Variants in TENT5D observed in about 807,000 individuals in gnomAD.
TENT5D encodes cancer/testis antigen 112.
For synonymous variants in TENT5D, 103 were observed against 100.6 expected, an observed-to-expected ratio of 1.02 and a Z score of -0.15; for missense variants, 191 against 287.0, an observed-to-expected ratio of 0.67 and a Z score of 2.42.
chrX:80,409,605 A>T (rs1435313383), intron 3 of TENT5D, among the ~76,000 whole-genome samples: 1 of 111,419 alleles, frequency 9.0e-6, no homozygotes, highest in Non-Finnish European at 1.9e-5. Flanking sequence ...GAGGATACAA[A>T]CAAATGGAAG....
intron 3 of TENT5D, among the ~76,000 whole-genome samples, chrX:80,386,047 A>G (rs775545460): frequency 2.7e-5 from 3 of 112,289 alleles, no homozygotes; most frequent in African/African-American, 9.7e-5. Flanking sequence ...TAGAAATACC[A>G]TTTGACCCAA....
chrX:80,410,126 A>C (rs1602213333), intron 3 of TENT5D, among the ~76,000 whole-genome samples: 1 of 105,181 alleles, frequency 9.5e-6, no homozygotes, highest in East Asian at 3.1e-4. Context: ...GTTAGACCTA[A>C]AACCATAAAA....
At chrX:80,411,446 T>C (rs1181455167) in intron 3 of TENT5D, among the ~76,000 whole-genome samples, 1 of 111,895 alleles carries the variant, frequency 8.9e-6, no homozygotes, top group African/African-American at 3.2e-5. Flanking sequence ...TAACTAGTTG[T>C]TTTATTTTAG....
chrX:80,418,442 A>G (rs1291606136), upstream of TENT5D, among the ~76,000 whole-genome samples: 1 of 111,846 alleles, frequency 8.9e-6, no homozygotes, highest in Non-Finnish European at 1.9e-5. Context: ...AAGTATATGT[A>G]TCCAAAATGA....
intron 3 of TENT5D, among the ~76,000 whole-genome samples, chrX:80,401,082 T>A (rs1931382284): frequency 8.9e-6 from 1 of 112,066 alleles, no homozygotes; most frequent in Admixed American, 9.5e-5. Flanking sequence ...TGTGTCTTCT[T>A]CAGTCTCTTT....
At chrX:80,404,940 G>C (rs959417345) in intron 3 of TENT5D, among the ~76,000 whole-genome samples, 26 of 111,895 alleles carry the variant, frequency 2.3e-4, no homozygotes, top group African/African-American at 8.1e-4. Context: ...ACATAAATCT[G>C]TTAGGCCAGG....
rs752452431 is a variant in TENT5D, at chrX:80,392,038, A to G, written c.-141-46572A>G. On this transcript the variant is annotated intron_variant, in intron 3 of 4. Transcript: ENST00000538312. ...ATCATGCTTCTACCACTTAAAAGCA[A>G]TGTTACCTGGAAAGAATTACTTCAT... 2.0e-4 allele frequency among the ~76,000 whole-genome samples: 23 copies of G among 112,424 alleles called. No homozygotes were observed. The East Asian group carries it at 5.0e-3, about 24-fold the overall frequency.
At chrX:80,393,081 A>G in intron 3 of TENT5D, among the ~76,000 whole-genome samples, 1 of 109,824 alleles carries the variant, frequency 9.1e-6, no homozygotes. Context: ...AAATTTTTTT[A>G]TATTCTTTGT....
intron 3 of TENT5D, among the ~76,000 whole-genome samples, chrX:80,405,922 C>G (rs907931529): frequency 9.1e-6 from 1 of 110,024 alleles, no homozygotes; most frequent in African/African-American, 3.3e-5. Flanking sequence ...CAGACTGCCT[C>G]CTCAAGTGGG....
intron 3 of TENT5D, among the ~76,000 whole-genome samples, chrX:80,361,245 T>C (rs1930400694): frequency 8.9e-6 from 1 of 112,063 alleles, no homozygotes; most frequent in Non-Finnish European, 1.9e-5. Context: ...TATCAGTAGT[T>C]AAAAGTTTCA....
At chrX:80,335,881 A>G (rs1486405115) in intron 2 of TENT5D, among the ~76,000 whole-genome samples, 1 of 111,355 alleles carries the variant, frequency 9.0e-6, no homozygotes, top group African/African-American at 3.3e-5. Flanking sequence ...AGTTTATGTG[A>G]AATATGTATT....
chrX:80,411,571 C>A lies in TENT5D; in HGVS notation c.-141-27039C>A, dbSNP rs755905147. ...ACTTACTTTACATTGTTCTTATTCA[C>A]TGATTACCTTTACATAATTTTTAAA... On this transcript the variant is annotated intron_variant, in intron 3 of 4. Coordinates refer to the TENT5D transcript ENST00000538312. Among the ~76,000 whole-genome samples the A allele has an allele frequency of 3.6e-5, 4 of 111,795 alleles. No individual in the cohort carries two copies. In the South Asian group the frequency reaches 1.1e-3, roughly 31 times the overall value.
At chrX:80,361,795 C>T (rs1174740114) in intron 3 of TENT5D, among the ~76,000 whole-genome samples, 1 of 111,934 alleles carries the variant, frequency 8.9e-6, no homozygotes, top group Non-Finnish European at 1.9e-5. Flanking sequence ...ATAAAATTTA[C>T]TTAGCACTAT....
chrX:80,395,210 T>C (rs895655422), intron 3 of TENT5D, among the ~76,000 whole-genome samples: 4 of 112,448 alleles, frequency 3.6e-5, no homozygotes, highest in African/African-American at 1.3e-4. Flanking sequence ...TTTGTTTTTA[T>C]GGTTGAGTCA....
rs1406320223 is a variant in TENT5D at position 80,389,310 on chromosome X, C to T, written c.-142+46746C>T. Among the ~76,000 whole-genome samples, 4 of 111,960 alleles carry T rather than the reference C, an allele frequency of 3.6e-5. 1 individual carries two copies. The Admixed American group carries it at 3.8e-4, about 11-fold the overall frequency. ...AATGTTGGAGGCTTCTGTTCTGCCA[C>T]CTTGTTCTGCCTTGGGTTCTGTAAG... On this transcript the variant is annotated intron_variant, in intron 3 of 4. Coordinates refer to the TENT5D transcript ENST00000538312.
At chrX:80,428,401 G>A (rs1932023097) in intron 1 of TENT5D, among the ~76,000 whole-genome samples, 1 of 112,297 alleles carries the variant, frequency 8.9e-6, no homozygotes, top group East Asian at 2.8e-4. Flanking sequence ...AGGCAGGCTG[G>A]CCATCCTTTA....
chrX:80,336,999 C>T (rs1929863922), intron 2 of TENT5D, among the ~76,000 whole-genome samples: 2 of 111,593 alleles, frequency 1.8e-5, no homozygotes, highest in South Asian at 7.3e-4. Context: ...AAAAATTTCC[C>T]TCTTGTTTTT....
chrX:80,435,102 G>T (rs1169695504), intron 1 of TENT5D, among the ~76,000 whole-genome samples: 1 of 111,315 alleles, frequency 9.0e-6, no homozygotes, highest in Non-Finnish European at 1.9e-5. Flanking sequence ...AACTTTGAAT[G>T]CTATAGACTC....
At chrX:80,340,640 A>G (rs1454583661) in intron 2 of TENT5D, among the ~76,000 whole-genome samples, 1 of 111,180 alleles carries the variant, frequency 9.0e-6, no homozygotes, top group Non-Finnish European at 1.9e-5. Flanking sequence ...TCTAGATCAT[A>G]GTTTCTCAAG....
Sources: allele counts gnomAD v4.1 joint callset (sites outside exome capture counted in the v4.1 genomes callset), GRCh38; gene constraint gnomAD v4.1.1; transcripts MANE v1.5; gene names NCBI Gene and HGNC (gene_info 2026-07-23, HGNC 2026-07-21).